Variants in SNTG2 observed in about 807,000 individuals in gnomAD.
SNTG2 encodes the protein gamma-2-syntrophin.
In SNTG2, 74 loss-of-function variants were observed where a neutral mutation model predicts 70.9. That is an observed-to-expected ratio of 1.04 (90% CI 0.86 to 1.27). The LOEUF (loss-of-function observed/expected upper bound fraction) is 1.27, where lower values mean the gene tolerates loss of function less well. SNTG2 is among the 50% of genes most tolerant of loss of function. SNTG2 has a pLI of 0.00. For synonymous variants in SNTG2, 278 were observed against 273.8 expected, an observed-to-expected ratio of 1.02 and a Z score of -0.15; for missense variants, 717 against 690.7, an observed-to-expected ratio of 1.04 and a Z score of -0.43.
intron 14 of SNTG2, among the ~76,000 whole-genome samples, chr2:1,270,814 C>T (rs1048798002): frequency 3.9e-5 from 6 of 152,152 alleles, no homozygotes; most frequent in Admixed American, 2.6e-4. Flanking sequence ...TATTCCAACC[C>T]GACTTGCAAT....
chr2:1,167,463 C>T (rs1302635601), intron 7 of SNTG2, among the ~76,000 whole-genome samples: 3 of 142,564 alleles, frequency 2.1e-5, no homozygotes, highest in Admixed American at 6.9e-5. Flanking sequence ...GCCTACAAGC[C>T]GCCCACAGAC....
At chr2:1,207,367 T>C (rs778174577) in intron 8 of SNTG2, among the ~76,000 whole-genome samples, 108 of 152,096 alleles carry the variant, frequency 7.1e-4, no homozygotes, top group Non-Finnish European at 1.2e-3. Context: ...TTAATAAATA[T>C]AGAGAAACAA....
intron 1 of SNTG2, among the ~76,000 whole-genome samples, chr2:1,037,530 C>G (rs765543601): frequency 6.6e-6 from 1 of 152,144 alleles, no homozygotes; most frequent in Non-Finnish European, 1.5e-5. Flanking sequence ...TCCCTGGCCA[C>G]CAGGGACCTG....
chr2:1,173,277 C>A, intron 8 of SNTG2, 94 bp downstream of exon 8: 1 of 1,114,784 alleles, frequency 9.0e-7, no homozygotes, highest in Non-Finnish European at 1.3e-6. Flanking sequence ...TGCTGTACTG[C>A]CCAGTGAAGA....
chr2:980,528 A>G (rs1265692633), intron 1 of SNTG2, among the ~76,000 whole-genome samples: 1 of 152,188 alleles, frequency 6.6e-6, no homozygotes, highest in East Asian at 1.9e-4. Context: ...AATTTAAGAG[A>G]CAGTGAACTT....
chr2:1,360,561 T>G (rs1661082439), intron 16 of SNTG2, among the ~76,000 whole-genome samples: 1 of 152,172 alleles, frequency 6.6e-6, no homozygotes, highest in Middle Eastern at 3.2e-3. Flanking sequence ...GAGGGGAAGC[T>G]CCTTGCCTTT....
At chr2:975,729 A>G (rs940278950) in intron 1 of SNTG2, among the ~76,000 whole-genome samples, 1 of 152,240 alleles carries the variant, frequency 6.6e-6, no homozygotes, top group African/African-American at 2.4e-5. Context: ...TCCTGAATGT[A>G]TTTAGTAAAT....
rs146733590 is a variant in SNTG2, at chr2:995,491, A to T, written c.72+44423A>T. Among the ~76,000 whole-genome samples the T allele has an allele frequency of 2.8e-3, 423 of 152,242 alleles. 2 individuals are homozygous for T. Among genetic ancestry groups the T allele is most frequent in the African/African-American group, 9.6e-3 (401 of 41,566 alleles). ...GCTTGTATTTGGTTTAGCATTTTGC[A>T]TCTATATTCATGAGGGATATTATCT... On this transcript the variant is annotated intron_variant, in intron 1 of 16. Transcript: ENST00000308624.
chr2:1,083,761 T>G (rs1052287788), intron 2 of SNTG2, 106 bp downstream of exon 2: 4 of 1,266,770 alleles, frequency 3.2e-6, no homozygotes, highest in Non-Finnish European at 4.4e-6. Flanking sequence ...AAGCTGCTAC[T>G]CGTTATTTAA....
At chr2:1,200,667 A>G (rs991925661) in intron 8 of SNTG2, among the ~76,000 whole-genome samples, 3 of 152,030 alleles carry the variant, frequency 2.0e-5, no homozygotes, top group East Asian at 3.8e-4. Context: ...ACTCAACAGC[A>G]AAAACAATAA....
At chr2:1,157,590 A>G (rs1669990089) in intron 6 of SNTG2, among the ~76,000 whole-genome samples, 1 of 152,242 alleles carries the variant, frequency 6.6e-6, no homozygotes, top group South Asian at 2.1e-4. Context: ...GATACTGGCA[A>G]CTAGAATGCA....
At chr2:1,071,001 T>C (rs183307519) in intron 1 of SNTG2, among the ~76,000 whole-genome samples, 1 of 152,038 alleles carries the variant, frequency 6.6e-6, no homozygotes, top group Non-Finnish European at 1.5e-5. Context: ...CCACATTCAA[T>C]GCGTTGGCAA....
chr2:1,027,905 AGGTGC>A (rs1214646270), intron 1 of SNTG2, among the ~76,000 whole-genome samples: 4 of 150,308 alleles, frequency 2.7e-5, no homozygotes, highest in Admixed American at 6.6e-5. Flanking sequence ...AGAGATAAGC[AGGTGC>A]ATCTGACCCA....
intron 7 of SNTG2, among the ~76,000 whole-genome samples, chr2:1,169,622 A>C (rs1467025129): frequency 6.6e-6 from 1 of 152,084 alleles, no homozygotes; most frequent in Admixed American, 6.5e-5. Flanking sequence ...TGAGATTCAC[A>C]TCCTGACTTC....
At chr2:1,053,681 C>A (rs1440179339) in intron 1 of SNTG2, among the ~76,000 whole-genome samples, 1 of 152,166 alleles carries the variant, frequency 6.6e-6, no homozygotes, top group Non-Finnish European at 1.5e-5. Flanking sequence ...TTTCCCACCT[C>A]ATTTGTGTGA....
At chr2:1,159,626 CAAGAAAGCAAAGGAAA>C (rs746856013) in intron 6 of SNTG2, among the ~76,000 whole-genome samples, 7 of 151,888 alleles carry the variant, frequency 4.6e-5, no homozygotes, top group Non-Finnish European at 7.4e-5. Context: ...TATTAGAAAA[CAAGAAAGCAAAGGAAA>C]AAGAGCCATG....
At chr2:1,170,552 C>T (rs771168732) in intron 7 of SNTG2, among the ~76,000 whole-genome samples, 4 of 152,142 alleles carry the variant, frequency 2.6e-5, no homozygotes, top group Non-Finnish European at 5.9e-5. Context: ...CTGCGCCGGA[C>T]GTTTTCTGTA....
At chr2:984,260 T>C (rs1291570392) in intron 1 of SNTG2, among the ~76,000 whole-genome samples, 1 of 42,330 alleles carries the variant, frequency 2.4e-5, no homozygotes, top group African/African-American at 9.9e-5. Context: ...GAAACAAAGC[T>C]TTTTTTTTTT....
At chr2:977,359 G>A (rs1461062304) in intron 1 of SNTG2, among the ~76,000 whole-genome samples, 5 of 152,146 alleles carry the variant, frequency 3.3e-5, no homozygotes, top group African/African-American at 4.8e-5. Context: ...AGGGAGCAGC[G>A]TGAATGGTGG....
Sources: gnomAD v4.1 joint callset for allele counts (sites outside exome capture counted in the v4.1 genomes callset) on GRCh38, gnomAD v4.1.1 for gene constraint, MANE v1.5 for transcripts, NCBI Gene and HGNC (gene_info 2026-07-23, HGNC 2026-07-21) for gene names.